The following HMCN2 variants were observed in gnomAD, a reference collection of about 807,000 sequenced individuals.
HMCN2 encodes the protein hemicentin 2.
In HMCN2, 325 loss-of-function variants were observed where a neutral mutation model predicts 377.5. The observed-to-expected ratio is 0.86, with a 90% CI of 0.79 to 0.94. The LOEUF (loss-of-function observed/expected upper bound fraction) is 0.94, where lower values mean the gene tolerates loss of function less well. Among genes scored for constraint, HMCN2 ranks in the 40% least tolerant of loss-of-function variants. The probability of loss-of-function intolerance (pLI) is 0.00; values close to 1 mark genes in which losing one functional copy is unlikely to be tolerated. For synonymous variants in HMCN2, 2,007 were observed against 2,046.8 expected, an observed-to-expected ratio of 0.98 and a Z score of 0.53; for missense variants, 4,543 against 4,725.3, an observed-to-expected ratio of 0.96 and a Z score of 1.13.
At chr9:130,425,299 C>T (rs1325344227) in intron 89 of HMCN2, among the ~76,000 whole-genome samples, 169 bp downstream of exon 89, 1 of 152,150 alleles carries the variant, frequency 6.6e-6, no homozygotes, top group East Asian at 1.9e-4. Context: ...TTGTAACAGG[C>T]TCAAGTTCAA....
Position 130,398,751 on chromosome 9 carries a change from C to T in HMCN2, c.11483+44C>T, listed in dbSNP as rs769768685. On this transcript the variant is annotated intron_variant, in intron 75 of 97. Transcript: ENST00000683500. Reference sequence around the variant, plus strand: ...CGGTGGCTTCCTGAGACGCACAGGGCGGGGAGGCACTCTCTTCTCACGGGG... The same window carrying T: ...CGGTGGCTTCCTGAGACGCACAGGGTGGGGAGGCACTCTCTTCTCACGGGG... 1.2e-5 allele frequency: 15 copies of T among 1,205,506 alleles called. No individual in the cohort carries two copies. In the South Asian group the frequency reaches 1.4e-4, roughly 11 times the overall value. The allele number at this position is 1,205,506 out of a possible 1,614,324, so 74.7% of individuals were successfully genotyped here. A position where few individuals can be genotyped will look rare whatever the true frequency, so the allele number is the denominator to read the frequency against.
intron 82 of HMCN2, 22 bp downstream of exon 82, chr9:130,406,190 G>A (rs1315368625): frequency 1.6e-6 from 2 of 1,288,822 alleles, no homozygotes; most frequent in Non-Finnish European, 2.0e-6. Flanking sequence ...CTGGGCATGG[G>A]TGGGACAGAG....
chr9:130,285,710 G>T (rs1835380227), intron 3 of HMCN2, among the ~76,000 whole-genome samples: 1 of 152,176 alleles, frequency 6.6e-6, no homozygotes, highest in African/African-American at 2.4e-5. Context: ...CGGATCCCTT[G>T]CTTCTGGCTT....
At chr9:130,352,452 C>A (rs1363742283) in intron 30 of HMCN2, among the ~76,000 whole-genome samples, 1 of 152,176 alleles carries the variant, frequency 6.6e-6, no homozygotes, top group Non-Finnish European at 1.5e-5. Context: ...TTGCTGTAAC[C>A]CGGATAGAAG....
Position 130,270,933 on chromosome 9 carries a change from A to G in HMCN2, c.259+4796A>G, listed in dbSNP as rs546486681. Among the ~76,000 whole-genome samples, 35 of 149,026 alleles carry G rather than the reference A, an allele frequency of 2.3e-4. 2 individuals are homozygous for G. Among genetic ancestry groups the G allele is most frequent in the African/African-American group, 7.5e-4 (31 of 41,320 alleles). On this transcript the variant is annotated intron_variant, in intron 1 of 97. Coordinates refer to ENST00000683500, the MANE Select transcript of HMCN2 (RefSeq NM_001291815.2). ...TGCTCCAGGATCCCATCCAGGATAC[A>G]TTAATTGTGTCTTCTTCAGCTCCTC...
chr9:130,411,156 C>A (rs1217658518), intron 85 of HMCN2, among the ~76,000 whole-genome samples: 1 of 151,994 alleles, frequency 6.6e-6, no homozygotes, highest in East Asian at 1.9e-4. Flanking sequence ...CTCCAGCATG[C>A]CCACCTCTGC....
Position 130,340,170 on chromosome 9 carries a change from C to T in HMCN2, c.3488-941C>T, listed in dbSNP as rs996950805. On this transcript the variant is annotated intron_variant, in intron 23 of 97. Transcript: ENST00000683500. ...AGTGAGATGGAGGATGAGAAAGTGA[C>T]TTGAAACCACAAATGTGAAAGAACG... is the stretch of plus-strand genomic sequence containing the variant. Among the ~76,000 whole-genome samples, 10 of 152,358 alleles carry T rather than the reference C, an allele frequency of 6.6e-5. No homozygotes were observed. In the South Asian group the frequency reaches 1.0e-3, roughly 16 times the overall value.
At position 130,307,477 on chromosome 9, in the gene HMCN2, A is replaced by G. The variant is rs747791728; in HGVS notation, c.2111A>G (p.Asn704Ser). 23 of 471,022 alleles carry G rather than the reference A, an allele frequency of 4.9e-5. 1 individual carries two copies. In the Admixed American group the frequency reaches 5.4e-4, roughly 11 times the overall value. 29.2% of individuals were successfully genotyped at this position (471,022 alleles called of 1,614,324 possible). Residue 704 changes from asparagine (N) to serine (S), a missense_variant, in exon 14 of 98, where the codon AAT (asparagine) becomes AGT (serine). Physicochemically the swap from Asn to Ser is conservative, Grantham distance 46 (BLOSUM62 1). Around this residue, in one of 5 missense-constraint regions of HMCN2, gnomAD observed 547 missense variants for 189.9 expected, o/e 2.88. Transcript: ENST00000683500. Reference sequence around the variant, plus strand: ...GACCCACCGTCGGTCTCTGCTGTAAATGCCGTGGTGCTGGTGGCCGTTGGG... The same window carrying G: ...GACCCACCGTCGGTCTCTGCTGTAAGTGCCGTGGTGCTGGTGGCCGTTGGG... ...YTDPPSVSAV[N>S]AVVLVAVGEE...
At chr9:130,350,615 A>C (rs952278372) in intron 29 of HMCN2, among the ~76,000 whole-genome samples, 2 of 147,600 alleles carry the variant, frequency 1.4e-5, no homozygotes, top group African/African-American at 5.0e-5. Context: ...GGCCAGGTGC[A>C]GTGGCTCACG....
rs550671861 is a variant in HMCN2, at chr9:130,425,633, C to T, written c.13642-54C>T. 284 of 1,154,536 alleles carry T rather than the reference C, an allele frequency of 2.5e-4. 5 individuals carry two copies. In the South Asian group the frequency reaches 3.6e-3, roughly 15 times the overall value. The allele number at this position is 1,154,536 out of a possible 1,614,324, so 71.5% of individuals were successfully genotyped here. ...TCCTCCTCCCCTTCCAACCCTGACC[C>T]CTTTCTCCCTCTCCCCCACCCCTCC... On this transcript the variant is annotated intron_variant, in intron 89 of 97. Coordinates refer to ENST00000683500, the MANE Select transcript of HMCN2 (RefSeq NM_001291815.2).
intron 4 of HMCN2, among the ~76,000 whole-genome samples, chr9:130,292,278 A>G (rs1163843071): frequency 6.6e-6 from 1 of 152,148 alleles, no homozygotes; most frequent in Non-Finnish European, 1.5e-5. Context: ...CAAGTGGGTA[A>G]TGTTCTCGCT....
In HMCN2 at chr9:130,303,597, T is replaced by C. The variant is rs1554935392; in HGVS notation, c.1532T>C (p.Ile511Thr). 1 of 341,568 alleles carries C rather than the reference T, an allele frequency of 2.9e-6. No homozygotes were observed. The highest frequency in any genetic ancestry group is 6.4e-6 in the Non-Finnish European group (1 of 157,448). The allele number at this position is 341,568 out of a possible 1,614,324, so 21.2% of individuals were successfully genotyped here. The change falls in exon 10 of 98, where the codon ATT becomes ACT. Residue 511 changes from isoleucine (I) to threonine (T), a missense_variant. Coordinates refer to ENST00000683500, the MANE Select transcript of HMCN2 (RefSeq NM_001291815.2). The surrounding 1 kb of genome is among the most constrained non-coding windows in gnomAD (Gnocchi z 5.2). The stretch of plus-strand genomic sequence containing the variant: ...GGGACCGGGCGAGCAAAGGCCCAGA[T>C]TGTTGTCACAGGTCTGTCCCTTGGG... ...RAGTGRAKAQ[I>T]VVTDPPPQLV...
At position 130,403,771 on chromosome 9, in the gene HMCN2, A is replaced by G. The variant is rs1842963800; in HGVS notation, c.12044A>G (p.Gln4015Arg). Residue 4015 changes from glutamine to arginine, a missense_variant, in exon 80 of 98, where the codon CAG becomes CGG. Coordinates refer to ENST00000683500, the MANE Select transcript of HMCN2 (RefSeq NM_001291815.2). Reference sequence around the variant, plus strand: ...AGTACCCAGGTCCTACCAGGCGGACAGCTGCGGATTGCCCATGCCAGCCCA... The same window carrying G: ...AGTACCCAGGTCCTACCAGGCGGACGGCTGCGGATTGCCCATGCCAGCCCA... ...GVSTQVLPGG[Q>R]LRIAHASPED... The G allele has an allele frequency of 7.8e-7, 1 of 1,289,736 alleles. No individual in the cohort carries two copies. The highest frequency in any genetic ancestry group is 1.5e-5 in the African/African-American group (1 of 65,866). The allele number at this position is 1,289,736 out of a possible 1,614,324, so 79.9% of individuals were successfully genotyped here. A position where few individuals can be genotyped will look rare whatever the true frequency, so the allele number is the denominator to read the frequency against.
Position 130,360,752 on chromosome 9 carries a change from CCAT to C in HMCN2, c.5950+150_5950+152del. ...CCCCATCCATCCATCATCCATCCAA[CCAT>C]CCATCCATCCATCCATCCATCCATC... On this transcript the variant is annotated intron_variant, in intron 38 of 97. Transcript: ENST00000683500. This position sits in a 1 kb window ranked among gnomAD's most constrained non-coding sequence, Gnocchi z 4.7. 1.0e-5 allele frequency: 1 copy of C among 95,422 alleles called. No homozygotes were observed. Among genetic ancestry groups the C allele is most frequent in the Non-Finnish European group, 2.2e-5 (1 of 44,718 alleles). The allele number at this position is 95,422 out of a possible 1,614,324, so 5.9% of individuals were successfully genotyped here.
At chr9:130,348,761 A>G in intron 27 of HMCN2, 86 bp downstream of exon 27, 1 of 1,272,870 alleles carries the variant, frequency 7.9e-7, no homozygotes, top group Non-Finnish European at 1.0e-6. Context: ...GCGTGTGCCA[A>G]GGTGGGGCAG....
chr9:130,373,878 G>C (rs1294075144), intron 48 of HMCN2, among the ~76,000 whole-genome samples: 1 of 119,906 alleles, frequency 8.3e-6, no homozygotes, highest in Non-Finnish European at 2.0e-5. Context: ...GTGGATGGGT[G>C]CATGGATGGA....
intron 11 of HMCN2, among the ~76,000 whole-genome samples, chr9:130,305,557 G>A (rs566063915): frequency 6.6e-6 from 1 of 152,368 alleles, no homozygotes; most frequent in African/African-American, 2.4e-5. Context: ...GTGGCTGCCA[G>A]AGTGTGTTGG....
At position 130,399,559 on chromosome 9, in the gene HMCN2, C is replaced by T; in HGVS notation, c.11532C>T (p.Asp3844=). 2 of 1,289,556 alleles carry T rather than the reference C, an allele frequency of 1.6e-6. No homozygotes were observed. The highest frequency in any genetic ancestry group is 2.0e-6 in the Non-Finnish European group (2 of 988,724). 79.9% of individuals were successfully genotyped at this position (1,289,556 alleles called of 1,614,324 possible). ...TCCTCACGGCCCCCGGCCCCCAGGA[C>T]TCAGCCCAGTTTGAATGCGTGGTGA... is the stretch of plus-strand genomic sequence containing the variant. ...ALLLTAPGPQ[D]SAQFECVVSN... Residue 3844 remains aspartate (D), a synonymous_variant, in exon 76 of 98, where the codon GAC becomes GAT. Coordinates refer to ENST00000683500, the MANE Select transcript of HMCN2 (RefSeq NM_001291815.2).
At chr9:130,270,514 C>G (rs1554920780) in intron 1 of HMCN2, among the ~76,000 whole-genome samples, 1 of 148,152 alleles carries the variant, frequency 6.7e-6, no homozygotes, top group African/African-American at 2.4e-5. Flanking sequence ...TTGCAGGGAG[C>G]TATGATTGTG....
Sources: gnomAD v4.1 joint callset for allele counts (sites outside exome capture counted in the v4.1 genomes callset) on GRCh38, gnomAD v4.1.1 for gene constraint, gnomAD v4.1.1 regional missense constraint, Gnocchi (gnomAD v3.1) non-coding constraint, MANE v1.5 for transcripts, NCBI Gene and HGNC (gene_info 2026-07-23, HGNC 2026-07-21) for gene names.